The following ST3GAL2 variants were observed in gnomAD, a reference collection of about 807,000 sequenced individuals.
The protein encoded by ST3GAL2 is CMP-N-acetylneuraminate-beta-galactosamide-alpha-2,3-sialyltransferase 2.
A neutral mutation model predicts 37.5 loss-of-function variants in ST3GAL2; 16 were observed. That is an observed-to-expected ratio of 0.43 (90% CI 0.29 to 0.65). The LOEUF is 0.65. Ranked by LOEUF, ST3GAL2 falls within the 30% of genes least tolerant of loss-of-function variation. The pLI, the probability that ST3GAL2 is intolerant of heterozygous loss-of-function variation, is 0.17. For synonymous variants in ST3GAL2, 238 were observed against 202.9 expected (o/e 1.17, Z -1.47); for missense variants, 383 against 487.8 (o/e 0.79, Z 2.02).
rs1401464726 is a variant in ST3GAL2 at position 70,378,950 on chromosome 16, A to G, written c.*2739T>C. Reference sequence around the variant, plus strand: ...GAGGTGGAGGTTGGGATGAGCCGACATCGGGCCATTGCACTCCAGCCTGGG... The same window carrying G: ...GAGGTGGAGGTTGGGATGAGCCGACGTCGGGCCATTGCACTCCAGCCTGGG... On this transcript the variant is annotated 3_prime_UTR_variant, in exon 7 of 7. Coordinates refer to ENST00000342907, the MANE Select transcript of ST3GAL2 (RefSeq NM_006927.4). 2 of 152,218 alleles carry G rather than the reference A, an allele frequency of 1.3e-5. No homozygotes were observed. The highest frequency in any genetic ancestry group is 2.9e-5 in the Non-Finnish European group (2 of 68,084). 9.4% of individuals were successfully genotyped at this position (152,218 alleles called of 1,614,324 possible).
At chr16:70,421,367 T>C (rs2047713270) in intron 1 of ST3GAL2, among the ~76,000 whole-genome samples, 1 of 152,146 alleles carries the variant, frequency 6.6e-6, no homozygotes, top group Admixed American at 6.5e-5. Context: ...AAAACGAAGG[T>C]TGGGGGACGC....
At chr16:70,404,608 T>C (rs1380248646) in intron 1 of ST3GAL2, among the ~76,000 whole-genome samples, 2 of 152,180 alleles carry the variant, frequency 1.3e-5, no homozygotes, top group South Asian at 2.1e-4. Flanking sequence ...GAATGTGAAA[T>C]GGTGCAGTCG....
At position 70,381,497 on chromosome 16, in the gene ST3GAL2, GA is replaced by G. The variant is rs2047404047; in HGVS notation, c.*191del. The stretch of plus-strand genomic sequence containing the variant: ...CCTTGAGTCACATGATTGGCTGGGA[GA>G]AACAGAAGCTCCGCCCGACCGCAGC... On this transcript the variant is annotated 3_prime_UTR_variant, in exon 7 of 7. Transcript: ENST00000342907. 1 of 654,902 alleles carries G rather than the reference GA, an allele frequency of 1.5e-6. No individual in the cohort carries two copies. Among genetic ancestry groups the G allele is most frequent in the African/African-American group, 1.8e-5 (1 of 54,560 alleles). The allele number at this position is 654,902 out of a possible 1,614,324, so 40.6% of individuals were successfully genotyped here.
intron 1 of ST3GAL2, among the ~76,000 whole-genome samples, chr16:70,423,670 A>T (rs1379248080): frequency 6.7e-6 from 1 of 149,360 alleles, no homozygotes; most frequent in East Asian, 1.9e-4. Flanking sequence ...GGAATGACTC[A>T]ATGATTTTTT....
intron 4 of ST3GAL2, among the ~76,000 whole-genome samples, chr16:70,386,017 ATTTT>A (rs1441805768): frequency 6.6e-6 from 1 of 150,786 alleles, no homozygotes; most frequent in Non-Finnish European, 1.5e-5. Flanking sequence ...GAACATGAAA[ATTTT>A]TTTTGTTTTG....
chr16:70,410,808 GT>G (rs35994886), intron 1 of ST3GAL2, among the ~76,000 whole-genome samples: 40,320 of 102,772 alleles, frequency 0.39, 4,965 homozygotes, highest in Non-Finnish European at 0.42. Flanking sequence ...TTTAGATCCT[GT>G]TTTTTTTTTT....
Position 70,398,740 on chromosome 16 carries a change from G to C in ST3GAL2, c.-210C>G, listed in dbSNP as rs2047535222. On this transcript the variant is annotated 5_prime_UTR_variant, in exon 2 of 7. Coordinates refer to ENST00000342907, the MANE Select transcript of ST3GAL2 (RefSeq NM_006927.4). Reference sequence around the variant, plus strand: ...GCAGGAGTGGCTGTCCTGTCCCTGAGTCAGGCGGGGCCCCTGCTTAGGGCT... The same window carrying C: ...GCAGGAGTGGCTGTCCTGTCCCTGACTCAGGCGGGGCCCCTGCTTAGGGCT... 1 of 605,760 alleles carries C rather than the reference G, an allele frequency of 1.7e-6. No homozygotes were observed. Among genetic ancestry groups the C allele is most frequent in the Non-Finnish European group, 2.9e-6 (1 of 343,308 alleles). The allele number at this position is 605,760 out of a possible 1,614,324, so 37.5% of individuals were successfully genotyped here.
chr16:70,393,741 T>A (rs1387537714), intron 3 of ST3GAL2: 1 of 152,182 alleles, frequency 6.6e-6, no homozygotes, highest in Non-Finnish European at 1.5e-5. Context: ...CAGGGTCCAC[T>A]CCAACCTGCT....
At position 70,383,365 on chromosome 16, in the gene ST3GAL2, CCTGAGGCCAGGAGT is replaced by C. The variant is rs1190542681; in HGVS notation, c.714-144_714-131del. 3 of 782,786 alleles carry C rather than the reference CCTGAGGCCAGGAGT, an allele frequency of 3.8e-6. No individual in the cohort carries two copies. In the African/African-American group the frequency reaches 5.4e-5, roughly 14 times the overall value. The allele number at this position is 782,786 out of a possible 1,614,324, so 48.5% of individuals were successfully genotyped here. ...CAGGAGTTCGAGGCCAGCCGGATCA[CCTGAGGCCAGGAGT>C]TTGAGGCCAGCCTGACCAACATAGT... On this transcript the variant is annotated intron_variant, in intron 4 of 6. Coordinates refer to ENST00000342907, the MANE Select transcript of ST3GAL2 (RefSeq NM_006927.4).
chr16:70,435,651 G>A (rs989387530), intron 1 of ST3GAL2, among the ~76,000 whole-genome samples: 16 of 151,268 alleles, frequency 1.1e-4, no homozygotes, highest in African/African-American at 3.2e-4. Context: ...AAAATTAGCC[G>A]GGCATGGTGG....
rs1474202640 is a variant in ST3GAL2 at position 70,379,739 on chromosome 16, A to C, written c.*1950T>G. 6.6e-6 allele frequency: 1 copy of C among 151,782 alleles called. No individual in the cohort carries two copies. Among genetic ancestry groups the C allele is most frequent in the East Asian group, 1.9e-4 (1 of 5,176 alleles). 9.4% of individuals were successfully genotyped at this position (151,782 alleles called of 1,614,324 possible). ...TCGGTTCAAGGGATTCTCCTGCCTC[A>C]GCCTTCCAAGTAGCTGGGATTACAG... On this transcript the variant is annotated 3_prime_UTR_variant, in exon 7 of 7. Coordinates refer to ENST00000342907, the MANE Select transcript of ST3GAL2 (RefSeq NM_006927.4).
chr16:70,408,361 G>C (rs1272579795), intron 1 of ST3GAL2, among the ~76,000 whole-genome samples: 1 of 152,028 alleles, frequency 6.6e-6, no homozygotes, highest in Admixed American at 6.6e-5. Context: ...CCTGCCTCCT[G>C]GGTGGGGGGC....
intron 1 of ST3GAL2, among the ~76,000 whole-genome samples, chr16:70,401,812 G>C (rs2047557120): frequency 6.6e-6 from 1 of 151,518 alleles, no homozygotes; most frequent in Non-Finnish European, 1.5e-5. Context: ...GGCCAACATG[G>C]TGAAACCCCA....
chr16:70,382,117 C>G (rs1471818849), intron 6 of ST3GAL2, among the ~76,000 whole-genome samples: 1 of 150,662 alleles, frequency 6.6e-6, no homozygotes, highest in Non-Finnish European at 1.5e-5. Context: ...ACTTGCCGGG[C>G]CTCAGCCCTG....
At chr16:70,384,620 G>A (rs1335838186) in intron 4 of ST3GAL2, among the ~76,000 whole-genome samples, 2 of 150,138 alleles carry the variant, frequency 1.3e-5, no homozygotes, top group African/African-American at 4.9e-5. Flanking sequence ...CAGGAGAATC[G>A]CTTGGACCAG....
At chr16:70,405,078 T>C (rs2047580648) in intron 1 of ST3GAL2, among the ~76,000 whole-genome samples, 1 of 150,102 alleles carries the variant, frequency 6.7e-6, no homozygotes, top group Admixed American at 6.6e-5. Flanking sequence ...TATAGCAGCA[T>C]TATTCATAAG....
intron 1 of ST3GAL2, chr16:70,399,968 G>A (rs913257765): frequency 6.6e-6 from 1 of 152,396 alleles, no homozygotes; most frequent in African/African-American, 2.4e-5. Flanking sequence ...CAGAAGGGAG[G>A]GCTGGCCGGT....
intron 1 of ST3GAL2, among the ~76,000 whole-genome samples, chr16:70,437,720 G>GC (rs1415544533): frequency 1.3e-5 from 2 of 152,120 alleles, no homozygotes; most frequent in African/African-American, 4.8e-5. Context: ...AAAGTTAGCA[G>GC]CAGAAGCAAG....
At chr16:70,431,775 A>G (rs1311422109) in intron 1 of ST3GAL2, among the ~76,000 whole-genome samples, 2 of 151,876 alleles carry the variant, frequency 1.3e-5, no homozygotes, top group African/African-American at 4.8e-5. Context: ...CATCCTGGCT[A>G]ATACAGTGAA....
Sources: allele counts gnomAD v4.1 joint callset (sites outside exome capture counted in the v4.1 genomes callset), GRCh38; gene constraint gnomAD v4.1.1; transcripts MANE v1.5; gene names NCBI Gene and HGNC (gene_info 2026-07-23, HGNC 2026-07-21).